Variants in DEPDC1B observed in about 807,000 individuals in gnomAD.
DEPDC1B encodes the protein DEP domain-containing protein 1B.
Under a neutral mutation model 66.5 loss-of-function variants are expected in DEPDC1B, and 51 were observed. That is an observed-to-expected ratio of 0.77 (90% CI 0.61 to 0.97). DEPDC1B has a LOEUF of 0.97. Among genes scored for constraint, DEPDC1B ranks in the 50% least tolerant of loss-of-function variants. The pLI is 0.00. For synonymous variants in DEPDC1B, 226 were observed against 223.6 expected, an observed-to-expected ratio of 1.01 and a Z score of -0.10; for missense variants, 552 against 637.1, an observed-to-expected ratio of 0.87 and a Z score of 1.44.
intron 1 of DEPDC1B, among the ~76,000 whole-genome samples, chr5:60,698,980 T>G (rs1754715960): frequency 6.6e-6 from 1 of 152,142 alleles, no homozygotes; most frequent in Middle Eastern, 3.2e-3. Context: ...ATCCTTAATC[T>G]TCATCAGATT....
intron 2 of DEPDC1B, among the ~76,000 whole-genome samples, chr5:60,673,958 G>A (rs899911034): frequency 4.6e-5 from 7 of 152,018 alleles, no homozygotes; most frequent in Admixed American, 6.6e-5. Flanking sequence ...TTATTGGAAC[G>A]CTAAGCATGT....
intron 2 of DEPDC1B, among the ~76,000 whole-genome samples, chr5:60,657,624 TC>T (rs1253186499): frequency 1.3e-5 from 2 of 152,212 alleles, no homozygotes; most frequent in African/African-American, 4.8e-5. Flanking sequence ...AGGACCCCAA[TC>T]CCTTCTAGCT....
At chr5:60,609,975 T>G (rs1299791806) in intron 7 of DEPDC1B, among the ~76,000 whole-genome samples, 1 of 152,220 alleles carries the variant, frequency 6.6e-6, no homozygotes, top group Non-Finnish European at 1.5e-5. Flanking sequence ...AGAATTTACT[T>G]ATTATGTTAT....
At chr5:60,641,425 T>C (rs1489371598) in intron 6 of DEPDC1B, among the ~76,000 whole-genome samples, 1 of 150,934 alleles carries the variant, frequency 6.6e-6, no homozygotes, top group African/African-American at 2.4e-5. Flanking sequence ...CTCGGGTTCA[T>C]GCCATTCTCC....
rs1460380000 is a variant in DEPDC1B at position 60,597,713 on chromosome 5, A to G, written c.*40T>C. 5 of 1,582,144 alleles carry G rather than the reference A, an allele frequency of 3.2e-6. No homozygotes were observed. The highest frequency in any genetic ancestry group is 1.4e-5 in the African/African-American group (1 of 72,776). ...TCCTAACCACCATTCACTCAAAACA[A>G]CAACAGTGGTCTCTAGCACCTGTTG... On this transcript the variant is annotated 3_prime_UTR_variant, in exon 11 of 11. Coordinates refer to ENST00000265036, the MANE Select transcript of DEPDC1B (RefSeq NM_018369.3).
chr5:60,660,167 AAGAGAGAGAGAC>A (rs1753675352), intron 2 of DEPDC1B, among the ~76,000 whole-genome samples: 1 of 151,128 alleles, frequency 6.6e-6, no homozygotes, highest in African/African-American at 2.4e-5. Context: ...GAGAGAGAGA[AAGAGAGAGAGAC>A]AGAGAGGAGA....
rs1752152819 is a variant in DEPDC1B at position 60,599,145 on chromosome 5, G to T, written c.1358C>A (p.Ala453Glu). 1.2e-6 allele frequency: 2 copies of T among 1,613,270 alleles called. No individual in the cohort carries two copies. Among genetic ancestry groups the T allele is most frequent in the African/African-American group, 2.7e-5 (2 of 74,856 alleles). The change falls in exon 10 of 11, where the codon GCA becomes GAA. Residue 453 changes from alanine to glutamate, a missense_variant. Physicochemically the swap from Ala to Glu is moderately radical, Grantham distance 107. Transcript: ENST00000265036. Reference sequence around the variant, plus strand: ...TGTTATGACTTCCTCCAACAAGGCTGCCAGAGGTTCCTGAGAGCCATATGA... The same window carrying T: ...TGTTATGACTTCCTCCAACAAGGCTTCCAGAGGTTCCTGAGAGCCATATGA... Reference protein sequence around the residue: ...QRSYGSQEPLAALLEEVITDA... With the variant: ...QRSYGSQEPLEALLEEVITDA...
intron 7 of DEPDC1B, among the ~76,000 whole-genome samples, chr5:60,625,422 T>C (rs752189271): frequency 5.9e-5 from 9 of 152,190 alleles, no homozygotes; most frequent in Admixed American, 2.6e-4. Flanking sequence ...CCTGACTTTT[T>C]AATAATCACC....
Position 60,597,808 on chromosome 5 carries a change from C to T in DEPDC1B, c.1535G>A (p.Trp512Ter). Residue 512 changes from tryptophan (W) to a stop codon, truncating the protein, a stop_gained, in exon 11 of 11, where the codon TGG becomes TAG. Coordinates refer to ENST00000265036, the MANE Select transcript of DEPDC1B (RefSeq NM_018369.3). LOFTEE classifies it high-confidence loss of function. ...KPKPKPQLLM[W>*]ALKKPFQPFQ... ...TGGTTGGAAAGGCTTCTTTAGTGCCCACATTAGCAGCTGTGGTTTCGGTTT... is the reference window on the plus strand; with the variant it reads ...TGGTTGGAAAGGCTTCTTTAGTGCCTACATTAGCAGCTGTGGTTTCGGTTT... 1 of 1,613,324 alleles carries T rather than the reference C, an allele frequency of 6.2e-7. No individual in the cohort carries two copies.
chr5:60,656,758 C>T (rs1753587554), intron 2 of DEPDC1B, among the ~76,000 whole-genome samples: 1 of 152,144 alleles, frequency 6.6e-6, no homozygotes, highest in African/African-American at 2.4e-5. Context: ...TGAGAACTCA[C>T]TCTCAGGGGA....
chr5:60,682,014 C>T (rs941975936), intron 2 of DEPDC1B, among the ~76,000 whole-genome samples: 1 of 151,946 alleles, frequency 6.6e-6, no homozygotes, highest in African/African-American at 2.4e-5. Flanking sequence ...ATACAACCAA[C>T]ATTTCAATAG....
chr5:60,613,460 C>G (rs186101796), intron 7 of DEPDC1B, among the ~76,000 whole-genome samples: 1 of 152,228 alleles, frequency 6.6e-6, no homozygotes, highest in African/African-American at 2.4e-5. Context: ...AATCCCAAAA[C>G]AGTGAGACAA....
At chr5:60,679,453 C>A (rs1163490577) in intron 2 of DEPDC1B, among the ~76,000 whole-genome samples, 7 of 147,044 alleles carry the variant, frequency 4.8e-5, no homozygotes, top group African/African-American at 1.8e-4. Flanking sequence ...GCCAGAAAAG[C>A]AAGAAAGTAT....
chr5:60,680,525 T>C (rs1477805579), intron 2 of DEPDC1B, among the ~76,000 whole-genome samples: 3 of 152,214 alleles, frequency 2.0e-5, no homozygotes, highest in Non-Finnish European at 2.9e-5. Context: ...TTACTAATCA[T>C]CTTTGTTATA....
intron 2 of DEPDC1B, among the ~76,000 whole-genome samples, chr5:60,662,482 A>C (rs1407928992): frequency 1.3e-5 from 2 of 152,148 alleles, no homozygotes; most frequent in African/African-American, 4.8e-5. Flanking sequence ...AATAGAGATC[A>C]AGAGGAACAG....
chr5:60,698,339 T>C (rs1344536293), intron 1 of DEPDC1B, among the ~76,000 whole-genome samples: 1 of 152,268 alleles, frequency 6.6e-6, no homozygotes, highest in East Asian at 1.9e-4. Context: ...TTTAGCTGTT[T>C]AACTTGCTTT....
intron 4 of DEPDC1B, among the ~76,000 whole-genome samples, 173 bp from the exon 5 acceptor site, chr5:60,645,048 T>C (rs1561372722): frequency 6.6e-6 from 1 of 152,174 alleles, no homozygotes; most frequent in African/African-American, 2.4e-5. Context: ...GTAAAAGATA[T>C]CCTTTTGCTA....
At chr5:60,616,793 A>C (rs1752565816) in intron 7 of DEPDC1B, among the ~76,000 whole-genome samples, 1 of 152,192 alleles carries the variant, frequency 6.6e-6, no homozygotes, top group Non-Finnish European at 1.5e-5. Flanking sequence ...AGAACGCCAC[A>C]AAGATACTCC....
chr5:60,661,437 T>A (rs1211824923), intron 2 of DEPDC1B, among the ~76,000 whole-genome samples: 1 of 152,164 alleles, frequency 6.6e-6, no homozygotes, highest in Non-Finnish European at 1.5e-5. Flanking sequence ...GGTCCTGGCA[T>A]CCCTATGTAC....
Sources: allele counts gnomAD v4.1 joint callset (sites outside exome capture counted in the v4.1 genomes callset), GRCh38; gene constraint gnomAD v4.1.1; transcripts MANE v1.5; gene names NCBI Gene and HGNC (gene_info 2026-07-23, HGNC 2026-07-21).